IFRD1: variants seen among roughly 807,000 people sequenced by gnomAD.
The protein encoded by IFRD1 is interferon related developmental regulator 1.
In IFRD1, 35 loss-of-function variants were observed where a neutral mutation model predicts 52.9. The ratio of observed to expected loss-of-function variants is 0.66; its 90% confidence interval spans 0.51 to 0.88. IFRD1 has a LOEUF of 0.88. IFRD1 is among the 40% of genes least tolerant of loss of function. The pLI, the probability that IFRD1 is intolerant of heterozygous loss-of-function variation, is 0.00. For synonymous variants in IFRD1, 184 were observed against 188.4 expected (o/e 0.98, Z 0.19); for missense variants, 517 against 550.8 (o/e 0.94, Z 0.61).
intron 3 of IFRD1, among the ~76,000 whole-genome samples, chr7:112,456,574 T>TA (rs143207114): frequency 0.092 from 14,040 of 152,094 alleles, 794 homozygotes; most frequent in African/African-American, 0.16. Context: ...TTTATAGTTT[T>TA]AAAAAAAGTG....
At chr7:112,430,397 G>C (rs1457936610) in intron 1 of IFRD1, among the ~76,000 whole-genome samples, 1 of 152,192 alleles carries the variant, frequency 6.6e-6, no homozygotes, top group Non-Finnish European at 1.5e-5. Context: ...GAGATGGCCA[G>C]GGGTGGCCTG....
chr7:112,448,856 G>A (rs1464875661), upstream of IFRD1, among the ~76,000 whole-genome samples: 2 of 152,190 alleles, frequency 1.3e-5, no homozygotes, highest in African/African-American at 4.8e-5. Flanking sequence ...GGTGAAGATG[G>A]GAGGAAAGGC....
rs551190765 is a variant in IFRD1 at position 112,474,303 on chromosome 7, T to G, written c.1267-1127T>G. On this transcript the variant is annotated intron_variant, in intron 11 of 11. Transcript: ENST00000403825. ...TGCTGGGTCAGATGATAGTTTTACA[T>G]TTAACTTTCTCAGAAACCACCAAAC... Among the ~76,000 whole-genome samples, 9 of 152,284 alleles carry G rather than the reference T, an allele frequency of 5.9e-5. No homozygotes were observed. In the South Asian group the frequency reaches 1.9e-3, roughly 32 times the overall value.
At chr7:112,472,458 T>G in intron 10 of IFRD1, 111 bp downstream of exon 10, 1 of 1,179,318 alleles carries the variant, frequency 8.5e-7, no homozygotes. Flanking sequence ...CTTCCACATG[T>G]TAGAAAACAG....
At chr7:112,463,888 ACACACACC>A (rs1795537232) in intron 8 of IFRD1, among the ~76,000 whole-genome samples, 1 of 39,198 alleles carries the variant, frequency 2.6e-5, no homozygotes, top group Non-Finnish European at 5.4e-5. Flanking sequence ...ACACACACAC[ACACACACC>A]CCACGTATCT....
intron 11 of IFRD1, among the ~76,000 whole-genome samples, 178 bp downstream of exon 11, chr7:112,473,039 T>G (rs988819853): frequency 1.3e-5 from 1 of 74,482 alleles, no homozygotes; most frequent in Admixed American, 1.2e-4. Flanking sequence ...CGTGTGTGTG[T>G]GTGTGTGTGT....
chr7:112,475,191 C>G (rs1277608521), intron 11 of IFRD1, among the ~76,000 whole-genome samples: 3 of 152,176 alleles, frequency 2.0e-5, no homozygotes, highest in Non-Finnish European at 4.4e-5. Context: ...ATCTCCTGAC[C>G]TCGTGATTCG....
rs1228028976 is a variant in IFRD1 at position 112,475,667 on chromosome 7, A to G, written c.*148A>G. The G allele has an allele frequency of 1.6e-5, 10 of 621,170 alleles. No homozygotes were observed. The highest frequency in any genetic ancestry group is 2.3e-5 in the Non-Finnish European group (8 of 353,180). The allele number at this position is 621,170 out of a possible 1,614,324, so 38.5% of individuals were successfully genotyped here. On this transcript the variant is annotated 3_prime_UTR_variant, in exon 12 of 12. Transcript: ENST00000403825. The stretch of plus-strand genomic sequence containing the variant: ...TGCTTATAATTTAATGTACAATACT[A>G]TTGAAACTGGTGAGTTCTGATTATT...
chr7:112,473,870 A>G (rs1175406869), intron 11 of IFRD1, among the ~76,000 whole-genome samples: 1 of 152,154 alleles, frequency 6.6e-6, no homozygotes, highest in Non-Finnish European at 1.5e-5. Context: ...TATCACCTCA[A>G]AAGAAAACCT....
At chr7:112,466,656 T>G (rs918378849) in intron 8 of IFRD1, among the ~76,000 whole-genome samples, 1 of 152,176 alleles carries the variant, frequency 6.6e-6, no homozygotes, top group Non-Finnish European at 1.5e-5. Context: ...TTAGAACAAA[T>G]TAAAATAATG....
intron 1 of IFRD1, among the ~76,000 whole-genome samples, chr7:112,442,652 T>C (rs1171387570): frequency 6.6e-6 from 1 of 152,156 alleles, no homozygotes; most frequent in Non-Finnish European, 1.5e-5. Context: ...AAGAGTCACC[T>C]CCAAATGGGC....
chr7:112,474,964 A>ATTTT (rs35849906), intron 11 of IFRD1, among the ~76,000 whole-genome samples: 3 of 150,716 alleles, frequency 2.0e-5, no homozygotes, highest in African/African-American at 7.3e-5. Context: ...CTCTTTATTT[A>ATTTT]TTTATTTTTT....
chr7:112,472,069 T>C (rs904615773), intron 9 of IFRD1, 150 bp from the exon 10 acceptor site: 2 of 801,566 alleles, frequency 2.5e-6, no homozygotes, highest in Non-Finnish European at 4.3e-6. Context: ...ATAGCAACAG[T>C]TTGTCCACAT....
intron 1 of IFRD1, among the ~76,000 whole-genome samples, chr7:112,442,293 T>C (rs944857707): frequency 2.6e-5 from 4 of 152,226 alleles, no homozygotes; most frequent in Non-Finnish European, 5.9e-5. Context: ...CAAAAGATCT[T>C]CCCTTGCTTA....
intron 3 of IFRD1, among the ~76,000 whole-genome samples, chr7:112,456,702 C>A: frequency 1.3e-5 from 2 of 151,982 alleles, no homozygotes; most frequent in African/African-American, 2.4e-5. Context: ...AAGAAAAATG[C>A]CATGATATAA....
intron 1 of IFRD1, among the ~76,000 whole-genome samples, chr7:112,445,254 G>A (rs1014167697): frequency 7.9e-5 from 12 of 151,848 alleles, no homozygotes; most frequent in Non-Finnish European, 1.5e-4. Flanking sequence ...TTTTAGTAGA[G>A]ACGGGGTTTC....
chr7:112,441,171 A>G (rs1327393466), intron 1 of IFRD1, among the ~76,000 whole-genome samples: 2 of 152,198 alleles, frequency 1.3e-5, no homozygotes, highest in Admixed American at 6.5e-5. Flanking sequence ...GCTACTTGGG[A>G]GGCTGAGGCA....
intron 1 of IFRD1, among the ~76,000 whole-genome samples, chr7:112,451,400 A>G (rs2117280878): frequency 6.6e-6 from 1 of 152,252 alleles, no homozygotes; most frequent in East Asian, 1.9e-4. Context: ...CCTTCCCCTA[A>G]CTGGCACCTG....
At chr7:112,471,137 G>GTTAT (rs763269410) in intron 9 of IFRD1, among the ~76,000 whole-genome samples, 5 of 152,102 alleles carry the variant, frequency 3.3e-5, no homozygotes, top group Non-Finnish European at 7.4e-5. Flanking sequence ...TAACTCTACT[G>GTTAT]TTATTTATTT....
Sources: allele counts gnomAD v4.1 joint callset (sites outside exome capture counted in the v4.1 genomes callset), GRCh38; gene constraint gnomAD v4.1.1; transcripts MANE v1.5; gene names NCBI Gene and HGNC (gene_info 2026-07-23, HGNC 2026-07-21).